Variants in OR52N5 observed in about 807,000 individuals in gnomAD.
OR52N5 encodes the protein olfactory receptor family 52 subfamily N member 5, also known as olfactory receptor 52N5.
A neutral mutation model predicts 14.1 loss-of-function variants in OR52N5; 10 were observed. The ratio of observed to expected loss-of-function variants is 0.71; its 90% CI spans 0.44 to 1.20. OR52N5 has a LOEUF of 1.20. Among genes scored for constraint, OR52N5 ranks in the 50% most tolerant of loss-of-function variants. The pLI, the probability that OR52N5 is intolerant of heterozygous loss-of-function variation, is 0.00. For synonymous variants in OR52N5, 116 were observed against 143.0 expected, an observed-to-expected ratio of 0.81 and a Z score of 1.35; for missense variants, 361 against 403.2, an observed-to-expected ratio of 0.90 and a Z score of 0.90.
Position 5,778,468 on chromosome 11 carries a change from A to T in OR52N5, c.167T>A (p.Leu56His), listed in dbSNP as rs1404737723. 6.6e-7 allele frequency: 1 copy of T among 1,517,236 alleles called. No individual in the cohort carries two copies. Among genetic ancestry groups the T allele is most frequent in the Non-Finnish European group, 9.0e-7 (1 of 1,111,142 alleles). 94.0% of individuals were successfully genotyped at this position (1,517,236 alleles called of 1,614,324 possible). A position where few individuals can be genotyped will look rare whatever the true frequency, so the allele number is the denominator to read the frequency against. Reference protein sequence around the residue: ...FLVGNLGLVYLIYYEESLHHP... With the variant: ...FLVGNLGLVYHIYYEESLHHP... ...ATGTAAGGACTCCTCATAATAAATGAGGTACACAAGACCAAGATTCCCCAC... is the reference window on the plus strand; with the variant it reads ...ATGTAAGGACTCCTCATAATAAATGTGGTACACAAGACCAAGATTCCCCAC... Residue 56 changes from leucine (L) to histidine (H), a missense_variant, in exon 3 of 3, where the codon CTC (leucine) becomes CAC (histidine). By Grantham distance (99) the Leu-to-His change is moderately conservative (BLOSUM62 -3). Transcript: ENST00000641181.
At position 5,776,185 on chromosome 11, in the gene OR52N5, A is replaced by G. The variant is rs751479898; in HGVS notation, c.*1475T>C. On this transcript the variant is annotated 3_prime_UTR_variant, in exon 3 of 3. Coordinates refer to ENST00000641181, the MANE Select transcript of OR52N5 (RefSeq NM_001385662.1). Reference sequence around the variant, plus strand: ...GTGTTGTGATAATATAGTGTGTGTGACAACCAGGAAGAGGTAATGATAAGT... The same window carrying G: ...GTGTTGTGATAATATAGTGTGTGTGGCAACCAGGAAGAGGTAATGATAAGT... 1 of 140,596 alleles carries G rather than the reference A, an allele frequency of 7.1e-6. No homozygotes were observed. Among genetic ancestry groups the G allele is most frequent in the African/African-American group, 2.6e-5 (1 of 38,448 alleles). The allele number at this position is 140,596 out of a possible 1,614,324, so 8.7% of individuals were successfully genotyped here. A position where few individuals can be genotyped will look rare whatever the true frequency, so the allele number is the denominator to read the frequency against.
rs967287030 is a variant in OR52N5, at chr11:5,778,250, G to A, written c.385C>T (p.Leu129=). Residue 129 remains leucine, a synonymous_variant, in exon 3 of 3, where the codon CTA becomes TTA. Transcript: ENST00000641181. The part of the protein sequence containing the change: ...VESGVLMLMA[L]DRYVAICYPL... ...TAGCAAATGGCTACATAGCGGTCTA[G>A]AGCCATGAGCATGAGCACCCCAGAC... 2.0e-6 allele frequency: 3 copies of A among 1,520,618 alleles called. No individual in the cohort carries two copies. In the South Asian group the frequency reaches 3.5e-5, roughly 18 times the overall value. The allele number at this position is 1,520,618 out of a possible 1,614,324, so 94.2% of individuals were successfully genotyped here. A position where few individuals can be genotyped will look rare whatever the true frequency, so the allele number is the denominator to read the frequency against.
rs1448448570 is a variant in OR52N5 at position 5,781,676 on chromosome 11, T to C, written c.-167A>G. The C allele has an allele frequency of 1.4e-5, 2 of 139,792 alleles. No individual in the cohort carries two copies. Among genetic ancestry groups the C allele is most frequent in the African/African-American group, 5.2e-5 (2 of 38,222 alleles). The allele number at this position is 139,792 out of a possible 1,614,324, so 8.7% of individuals were successfully genotyped here. A position where few individuals can be genotyped will look rare whatever the true frequency, so the allele number is the denominator to read the frequency against. Reference sequence around the variant, plus strand: ...GGTGGAGTGATTGATCCTATCACTGTTGCATCCTGTGCGGCCTCCTCATCC... The same window carrying C: ...GGTGGAGTGATTGATCCTATCACTGCTGCATCCTGTGCGGCCTCCTCATCC... On this transcript the variant is annotated 5_prime_UTR_variant, in exon 2 of 3. Transcript: ENST00000641181.
chr11:5,779,982 T>C (rs183250955), intron 2 of OR52N5, among the ~76,000 whole-genome samples: 1 of 140,238 alleles, frequency 7.1e-6, no homozygotes, highest in South Asian at 2.3e-4. Flanking sequence ...AAATTTCTTA[T>C]ATCAGCTCTT....
chr11:5,780,464 C>T (rs1207014279), intron 2 of OR52N5, among the ~76,000 whole-genome samples: 1 of 136,482 alleles, frequency 7.3e-6, no homozygotes, highest in Non-Finnish European at 1.6e-5. Flanking sequence ...AAAAGATTGA[C>T]AAAAATAAGA....
At chr11:5,779,223 A>C (rs1272692307) in intron 2 of OR52N5, among the ~76,000 whole-genome samples, 1 of 140,256 alleles carries the variant, frequency 7.1e-6, no homozygotes, top group African/African-American at 2.6e-5. Flanking sequence ...GCTCATCTTA[A>C]ATGGGAAGCA....
chr11:5,777,753 G>A lies in OR52N5; in HGVS notation c.882C>T (p.Pro294=), dbSNP rs770423321. 12 of 1,518,890 alleles carry A rather than the reference G, an allele frequency of 7.9e-6. 2 individuals carry two copies. Among genetic ancestry groups the A allele is most frequent in the Non-Finnish European group, 1.1e-5 (12 of 1,112,896 alleles). 94.1% of individuals were successfully genotyped at this position (1,518,890 alleles called of 1,614,324 possible). Residue 294 remains proline, a synonymous_variant, in exon 3 of 3, where the codon CCC becomes CCT. Transcript: ENST00000641181. ...CATAAACAATAGGGTTTAGAGTTGG[G>A]GGAAGAAGAAGATAAAGATTAGCCA... ...IIVANLYLLL[P]PTLNPIVYGV...
chr11:5,782,819 A>T (rs1383055315), intron 1 of OR52N5, among the ~76,000 whole-genome samples: 1 of 139,014 alleles, frequency 7.2e-6, no homozygotes, highest in African/African-American at 2.6e-5. Context: ...AAAAAAGAAT[A>T]CTCAACAAAT....
intron 2 of OR52N5, among the ~76,000 whole-genome samples, chr11:5,779,755 T>C (rs993014405): frequency 2.1e-5 from 3 of 139,754 alleles, no homozygotes; most frequent in Admixed American, 7.4e-5. Context: ...GTGCCCAAAA[T>C]AGACTTTACC....
At chr11:5,781,034 G>T (rs1425182079) in intron 2 of OR52N5, among the ~76,000 whole-genome samples, 1 of 140,086 alleles carries the variant, frequency 7.1e-6, no homozygotes, top group African/African-American at 2.6e-5. Context: ...TTAGATACAG[G>T]ATGTTTAACT....
intron 2 of OR52N5, among the ~76,000 whole-genome samples, chr11:5,780,180 T>C (rs1854537633): frequency 7.1e-6 from 1 of 139,966 alleles, no homozygotes; most frequent in African/African-American, 2.6e-5. Context: ...TTCCTTGGTA[T>C]GACATTTAAT....
chr11:5,781,098 G>C lies in OR52N5; in HGVS notation c.-24+435C>G, dbSNP rs567367119. Among the ~76,000 whole-genome samples the C allele has an allele frequency of 2.1e-5, 3 of 140,396 alleles. 1 individual carries two copies. Among genetic ancestry groups the C allele is most frequent in the Non-Finnish European group, 4.7e-5 (3 of 63,522 alleles). 92.1% of individuals were successfully genotyped at this position (140,396 alleles called of 152,430 possible). ...TCAGAATGAAACATAGGTTTCCTTAGATCAGACTTTCACATATGCTCCATT... is the reference window on the plus strand; with the variant it reads ...TCAGAATGAAACATAGGTTTCCTTACATCAGACTTTCACATATGCTCCATT... On this transcript the variant is annotated intron_variant, in intron 2 of 2. Transcript: ENST00000641181.
Position 5,781,952 on chromosome 11 carries a change from C to T in OR52N5, c.-247-196G>A, listed in dbSNP as rs549862947. 3.7e-4 allele frequency among the ~76,000 whole-genome samples: 52 copies of T among 140,144 alleles called. 5 individuals carry two copies. The highest frequency in any genetic ancestry group is 1.3e-3 in the African/African-American group (51 of 38,276). The allele number at this position is 140,144 out of a possible 152,430, so 91.9% of individuals were successfully genotyped here. On this transcript the variant is annotated intron_variant, in intron 1 of 2. Coordinates refer to ENST00000641181, the MANE Select transcript of OR52N5 (RefSeq NM_001385662.1). ...TTTTCAAGGAATTCAGGAACCAGTA[C>T]ACAGAATAAAATCCTATCAGGCATC...
Position 5,777,500 on chromosome 11 carries a change from C to T in OR52N5, c.*160G>A. On this transcript the variant is annotated 3_prime_UTR_variant, in exon 3 of 3. Transcript: ENST00000641181. ...AGGGAAAGGCACTGAGATATACATC[C>T]AGAATGGGCTATAAATTTCCCCAAA... is the stretch of plus-strand genomic sequence containing the variant. The T allele has an allele frequency of 2.0e-6, 1 of 511,262 alleles. No individual in the cohort carries two copies. The highest frequency in any genetic ancestry group is 3.1e-6 in the Non-Finnish European group (1 of 319,750). The allele number at this position is 511,262 out of a possible 1,614,324, so 31.7% of individuals were successfully genotyped here. A position where few individuals can be genotyped will look rare whatever the true frequency, so the allele number is the denominator to read the frequency against.
At chr11:5,782,619 T>C (rs1854557468) in intron 1 of OR52N5, among the ~76,000 whole-genome samples, 1 of 139,778 alleles carries the variant, frequency 7.2e-6, no homozygotes, top group South Asian at 2.3e-4. Flanking sequence ...AGAATTATTA[T>C]TTGAAATTCA....
Position 5,782,550 on chromosome 11 carries a change from T to C in OR52N5, c.-248+745A>G, listed in dbSNP as rs914536546. On this transcript the variant is annotated intron_variant, in intron 1 of 2. Transcript: ENST00000641181. ...CAATAGCTTGCCAAAGATACAGAAT[T>C]TTGTGCTGTCTACACTAAATACTGG... 2.9e-5 allele frequency among the ~76,000 whole-genome samples: 4 copies of C among 140,162 alleles called. 1 individual carries two copies. Among genetic ancestry groups the C allele is most frequent in the Non-Finnish European group, 6.3e-5 (4 of 63,452 alleles). 92.0% of individuals were successfully genotyped at this position (140,162 alleles called of 152,430 possible). A position where few individuals can be genotyped will look rare whatever the true frequency, so the allele number is the denominator to read the frequency against.
At position 5,777,795 on chromosome 11, in the gene OR52N5, A is replaced by G. The variant is rs143355934; in HGVS notation, c.840T>C (p.Pro280=). The change falls in exon 3 of 3, where the codon CCT becomes CCC. Residue 280 remains proline, a synonymous_variant. Coordinates refer to ENST00000641181, the MANE Select transcript of OR52N5 (RefSeq NM_001385662.1). ...AHRFGGHTIP[P]SLHIIVANLY... is the part of the protein sequence containing the mutation. ...GATTAGCCACAATGATGTGAAGAGA[A>G]GGGGGAATTGTGTGTCCCCCAAAAC... 3 of 1,520,866 alleles carry G rather than the reference A, an allele frequency of 2.0e-6. 1 individual carries two copies. Among genetic ancestry groups the G allele is most frequent in the Non-Finnish European group, 2.7e-6 (3 of 1,114,380 alleles). 94.2% of individuals were successfully genotyped at this position (1,520,866 alleles called of 1,614,324 possible).
In OR52N5 at chr11:5,777,571, C is replaced by T; in HGVS notation, c.*89G>A. The T allele has an allele frequency of 1.9e-6, 2 of 1,026,794 alleles. No homozygotes were observed. The highest frequency in any genetic ancestry group is 2.7e-6 in the Non-Finnish European group (2 of 727,700). The allele number at this position is 1,026,794 out of a possible 1,614,324, so 63.6% of individuals were successfully genotyped here. On this transcript the variant is annotated 3_prime_UTR_variant, in exon 3 of 3. Transcript: ENST00000641181. ...CTGAGAGAGAAAATGTATGATACTA[C>T]ACATGAATAAATGTAAAATATCACA...
rs1488591843 is a variant in OR52N5 at position 5,777,003 on chromosome 11, A to G, written c.*657T>C. Reference sequence around the variant, plus strand: ...GAATGGTGGGAGGAAGAGAGGATGAAAAGAGGTTAATTAATAGGTACTAAA... The same window carrying G: ...GAATGGTGGGAGGAAGAGAGGATGAGAAGAGGTTAATTAATAGGTACTAAA... On this transcript the variant is annotated 3_prime_UTR_variant, in exon 3 of 3. Transcript: ENST00000641181. 2.1e-5 allele frequency: 3 copies of G among 139,958 alleles called. 1 individual carries two copies. The highest frequency in any genetic ancestry group is 4.7e-5 in the Non-Finnish European group (3 of 63,394). 8.7% of individuals were successfully genotyped at this position (139,958 alleles called of 1,614,324 possible).
Sources: gnomAD v4.1 joint callset for allele counts (sites outside exome capture counted in the v4.1 genomes callset) on GRCh38, gnomAD v4.1.1 for gene constraint, MANE v1.5 for transcripts, NCBI Gene and HGNC (gene_info 2026-07-23, HGNC 2026-07-21) for gene names.